Variants in JARID2 observed in about 807,000 individuals in gnomAD.
JARID2 encodes jumonji and AT-rich interaction domain containing 2.
A neutral mutation model predicts 125.6 loss-of-function variants in JARID2; 21 were observed. The observed-to-expected ratio is 0.17, with a 90% CI of 0.12 to 0.24. The LOEUF is 0.24. Ranked by LOEUF, JARID2 falls within the 10% of genes least tolerant of loss-of-function variation. The pLI, the probability that JARID2 is intolerant of heterozygous loss-of-function variation, is 1.00. For synonymous variants in JARID2, 736 were observed against 661.6 expected (o/e 1.11, Z -1.73); for missense variants, 1,303 against 1,639.6 (o/e 0.79, Z 3.55).
intron 4 of JARID2, among the ~76,000 whole-genome samples, chr6:15,463,337 G>A (rs1234217310): frequency 6.6e-6 from 1 of 151,886 alleles, no homozygotes; most frequent in Non-Finnish European, 1.5e-5. Context: ...TCTCTCACTT[G>A]CTAAATAATG....
chr6:15,504,039 G>A (rs1178357689), intron 8 of JARID2, among the ~76,000 whole-genome samples: 4 of 151,054 alleles, frequency 2.6e-5, no homozygotes, highest in Non-Finnish European at 5.9e-5. Context: ...TGTAGATGTC[G>A]CACCAGTTTC....
At chr6:15,321,757 C>CT (rs1481884516) in intron 1 of JARID2, among the ~76,000 whole-genome samples, 8 of 133,546 alleles carry the variant, frequency 6.0e-5, no homozygotes, top group Non-Finnish European at 9.5e-5. Flanking sequence ...GAATAGCAAT[C>CT]TAATTTTATA....
chr6:15,512,878 G>T (rs1346313411), intron 14 of JARID2, 37 bp from the exon 15 acceptor site: 1 of 1,599,764 alleles, frequency 6.3e-7, no homozygotes. Context: ...GCCTAGTAAT[G>T]AAAATCCACC....
chr6:15,346,999 G>T (rs1763266155), intron 1 of JARID2, among the ~76,000 whole-genome samples: 1 of 152,110 alleles, frequency 6.6e-6, no homozygotes. Flanking sequence ...CTCCCAAAGT[G>T]CCGGGATTAC....
At chr6:15,431,557 C>A (rs554593389) in intron 3 of JARID2, among the ~76,000 whole-genome samples, 1 of 152,314 alleles carries the variant, frequency 6.6e-6, no homozygotes, top group East Asian at 1.9e-4. Context: ...TTAGTGTAAA[C>A]AAGCTCTTTA....
In JARID2 at chr6:15,504,605, G is replaced by T. The variant is rs758412311; in HGVS notation, c.2541+13G>T. 3 of 1,573,588 alleles carry T rather than the reference G, an allele frequency of 1.9e-6. No homozygotes were observed. In the African/African-American group the frequency reaches 4.1e-5, roughly 21 times the overall value. The stretch of plus-strand genomic sequence containing the variant: ...AGCCGAAATCGAGGTGAGAGAAGGG[G>T]CCCCTCACGCTGCCTCTCATGGTGT... On this transcript the variant is annotated intron_variant, in intron 9 of 17. Transcript: ENST00000341776.
intron 2 of JARID2, among the ~76,000 whole-genome samples, chr6:15,398,565 C>T (rs922933783): frequency 5.9e-5 from 9 of 152,172 alleles, no homozygotes; most frequent in East Asian, 1.9e-4. Flanking sequence ...CTATTTACAA[C>T]GGAGAGTTTT....
rs527664857 is a variant in JARID2, at chr6:15,474,305, C to T, written c.670+5587C>T. ...TCTCAGCTGTGGAATATTCTCATGC[C>T]CAACATTGCTACTTCCTCAACCATT... On this transcript the variant is annotated intron_variant, in intron 5 of 17. Transcript: ENST00000341776. 3.3e-5 allele frequency among the ~76,000 whole-genome samples: 5 copies of T among 152,240 alleles called. No homozygotes were observed. In the East Asian group the frequency reaches 9.6e-4, roughly 29 times the overall value.
At chr6:15,342,631 C>T (rs1763106205) in intron 1 of JARID2, among the ~76,000 whole-genome samples, 1 of 152,132 alleles carries the variant, frequency 6.6e-6, no homozygotes. Context: ...TCAGAATATA[C>T]ACATTTTTAA....
intron 2 of JARID2, among the ~76,000 whole-genome samples, chr6:15,408,808 C>G (rs1175166408): frequency 6.6e-6 from 1 of 152,222 alleles, no homozygotes; most frequent in African/African-American, 2.4e-5. Flanking sequence ...GCTTCAATCT[C>G]TGAAACACTG....
At chr6:15,380,190 C>T (rs1316755956) in intron 2 of JARID2, among the ~76,000 whole-genome samples, 1 of 151,976 alleles carries the variant, frequency 6.6e-6, no homozygotes, top group Non-Finnish European at 1.5e-5. Context: ...CATGTGCCAC[C>T]ATGCCTGGCT....
intron 1 of JARID2, among the ~76,000 whole-genome samples, chr6:15,298,756 C>T (rs1310934453): frequency 2.0e-5 from 3 of 151,708 alleles, no homozygotes; most frequent in Non-Finnish European, 2.9e-5. Flanking sequence ...CGGTTGAAAC[C>T]TCAGAGGATT....
intron 1 of JARID2, chr6:15,369,243 T>C: frequency 2.8e-6 from 1 of 356,950 alleles, no homozygotes; most frequent in South Asian, 2.3e-5. Flanking sequence ...CAATGCCAAG[T>C]TGTGGCCCAC....
At chr6:15,288,829 G>GT (rs1761097962) in intron 1 of JARID2, among the ~76,000 whole-genome samples, 4 of 152,190 alleles carry the variant, frequency 2.6e-5, no homozygotes, top group Non-Finnish European at 5.9e-5. Flanking sequence ...GGCCCTGTGG[G>GT]GTTACAATGG....
chr6:15,363,604 C>T (rs750694355), intron 1 of JARID2, among the ~76,000 whole-genome samples: 8 of 152,170 alleles, frequency 5.3e-5, no homozygotes, highest in Non-Finnish European at 8.8e-5. Context: ...GCGAGTAAGA[C>T]ACAGACTAGT....
At chr6:15,451,881 T>C in intron 3 of JARID2, 125 bp from the exon 4 acceptor site, 6 of 902,756 alleles carry the variant, frequency 6.6e-6, no homozygotes, top group Non-Finnish European at 9.8e-6. Flanking sequence ...AGAACCTTAA[T>C]TAGGAAGAGT....
chr6:15,478,345 TG>T (rs746655392), intron 5 of JARID2, among the ~76,000 whole-genome samples: 8 of 152,218 alleles, frequency 5.3e-5, no homozygotes, highest in Non-Finnish European at 1.0e-4. Flanking sequence ...TGCTTGGGGT[TG>T]TGGGGGAGGA....
intron 5 of JARID2, among the ~76,000 whole-genome samples, chr6:15,470,444 C>T (rs184716090): frequency 2.0e-5 from 3 of 152,244 alleles, no homozygotes; most frequent in Non-Finnish European, 4.4e-5. Context: ...CTGGATTCAC[C>T]GGGAAATAGA....
At chr6:15,458,609 C>CA (rs1244298227) in intron 4 of JARID2, among the ~76,000 whole-genome samples, 1 of 152,090 alleles carries the variant, frequency 6.6e-6, no homozygotes, top group African/African-American at 2.4e-5. Context: ...ACAGATTAGA[C>CA]ACAGGAAAGC....
Sources: gnomAD v4.1 joint callset for allele counts (sites outside exome capture counted in the v4.1 genomes callset) on GRCh38, gnomAD v4.1.1 for gene constraint, MANE v1.5 for transcripts, NCBI Gene and HGNC (gene_info 2026-07-23, HGNC 2026-07-21) for gene names.